Variants in MTMR14 observed in about 807,000 individuals in gnomAD.
MTMR14 encodes phosphatidylinositol-3,5-bisphosphate 3-phosphatase MTMR14.
In MTMR14, 48 loss-of-function variants were observed where a neutral mutation model predicts 86.3. That is an observed-to-expected ratio of 0.56 (90% CI 0.44 to 0.71). The LOEUF (loss-of-function observed/expected upper bound fraction) is 0.71, where lower values mean the gene tolerates loss of function less well. Among genes scored for constraint, MTMR14 ranks in the 30% least tolerant of loss-of-function variants. The probability of loss-of-function intolerance (pLI) is 0.00; values close to 1 mark genes in which losing one functional copy is unlikely to be tolerated. For synonymous variants in MTMR14, 366 were observed against 326.1 expected (o/e 1.12, Z -1.32); for missense variants, 780 against 834.6 (o/e 0.93, Z 0.81).
intron 6 of MTMR14, among the ~76,000 whole-genome samples, chr3:9,671,935 G>C (rs1470474974): frequency 6.6e-6 from 1 of 152,112 alleles, no homozygotes; most frequent in Non-Finnish European, 1.5e-5. Flanking sequence ...TCTGAATATT[G>C]CCTTATTCCT....
rs189614064 is a variant in MTMR14, at chr3:9,669,457, T to A, written c.519T>A (p.Asp173Glu). 5,515 of 1,613,906 alleles carry A rather than the reference T, an allele frequency of 3.4e-3. 18 individuals carry two copies. Among genetic ancestry groups the A allele is most frequent in the Non-Finnish European group, 4.3e-3 (5,057 of 1,179,844 alleles). ...FSGGADDAWADVEDVTEEDCA... is the reference protein window; with the variant it reads ...FSGGADDAWAEVEDVTEEDCA... ...GGGGTGCAGATGATGCCTGGGCAGA[T>A]GTGGAGGACGTCACGGAGGAGGACT... Residue 173 changes from aspartate (D) to glutamate (E), a missense_variant, in exon 5 of 19, where the codon GAT (aspartate) becomes GAA (glutamate). Asp to Glu is a conservative substitution (Grantham distance 45). Coordinates refer to ENST00000296003, the MANE Select transcript of MTMR14 (RefSeq NM_001077525.3).
chr3:9,679,728 T>C (rs1185554381), intron 9 of MTMR14, among the ~76,000 whole-genome samples: 1 of 152,334 alleles, frequency 6.6e-6, no homozygotes, highest in South Asian at 2.1e-4. Context: ...GGCTCAAATA[T>C]GATCACTGCT....
intron 5 of MTMR14, among the ~76,000 whole-genome samples, chr3:9,670,159 A>G (rs372309517): frequency 6.6e-6 from 1 of 152,262 alleles, no homozygotes; most frequent in Non-Finnish European, 1.5e-5. Flanking sequence ...ACTGGTGTCA[A>G]GCATCTCTGG....
chr3:9,650,549 T>C (rs1386159672), intron 1 of MTMR14: 4 of 347,146 alleles, frequency 1.2e-5, no homozygotes, highest in African/African-American at 6.4e-5. Flanking sequence ...TATTCTGTAG[T>C]TGGCATCTTG....
chr3:9,670,927 C>G, intron 5 of MTMR14, 121 bp from the exon 6 acceptor site: 3 of 1,332,000 alleles, frequency 2.3e-6, no homozygotes, highest in Non-Finnish European at 3.2e-6. Flanking sequence ...ATGCGTCCAC[C>G]TAGCACACGC....
At chr3:9,668,052 A>G (rs757246355) in intron 3 of MTMR14, among the ~76,000 whole-genome samples, 2 of 152,074 alleles carry the variant, frequency 1.3e-5, no homozygotes, top group Admixed American at 6.6e-5. Context: ...AGCAAACACT[A>G]TTTATTTTAA....
At chr3:9,676,371 CG>C (rs543518139) in intron 7 of MTMR14, among the ~76,000 whole-genome samples, 188 of 152,334 alleles carry the variant, frequency 1.2e-3, no homozygotes, top group African/African-American at 3.8e-3. Context: ...GGCCACAGCC[CG>C]GGGGGCAAGA....
chr3:9,664,749 TAGGAAAGGG>T (rs1186668101), intron 3 of MTMR14, among the ~76,000 whole-genome samples: 2 of 151,932 alleles, frequency 1.3e-5, no homozygotes, highest in Admixed American at 1.3e-4. Flanking sequence ...TACCAGAGAC[TAGGAAAGGG>T]TTCTGACAGG....
At chr3:9,665,644 C>T (rs1321393626) in intron 3 of MTMR14, among the ~76,000 whole-genome samples, 1 of 152,132 alleles carries the variant, frequency 6.6e-6, no homozygotes, top group East Asian at 1.9e-4. Context: ...AAAAGAAATG[C>T]TTGCGTTCTG....
intron 3 of MTMR14, among the ~76,000 whole-genome samples, chr3:9,665,521 G>A (rs181588714): frequency 6.6e-6 from 1 of 152,208 alleles, no homozygotes; most frequent in African/African-American, 2.4e-5. Flanking sequence ...AATACCTGTT[G>A]GGTCCTATGT....
intron 17 of MTMR14, among the ~76,000 whole-genome samples, chr3:9,691,501 A>G (rs2076139358): frequency 6.6e-6 from 1 of 152,144 alleles, no homozygotes; most frequent in South Asian, 2.1e-4. Context: ...CCTGTCCAGC[A>G]TTGCTGAACA....
chr3:9,669,953 ATG>A (rs2048480120), intron 5 of MTMR14, among the ~76,000 whole-genome samples: 1 of 152,224 alleles, frequency 6.6e-6, no homozygotes, highest in South Asian at 2.1e-4. Context: ...TGGAGACCAG[ATG>A]TGTCACAGCT....
chr3:9,699,132 A>G (rs143658290), intron 18 of MTMR14, among the ~76,000 whole-genome samples: 2 of 150,494 alleles, frequency 1.3e-5, no homozygotes, highest in Non-Finnish European at 3.0e-5. Flanking sequence ...AGATCATGCC[A>G]TTGCACTCCA....
intron 6 of MTMR14, among the ~76,000 whole-genome samples, chr3:9,672,335 G>A (rs1252285951): frequency 2.0e-5 from 3 of 152,108 alleles, no homozygotes; most frequent in Non-Finnish European, 2.9e-5. Flanking sequence ...TGCCTCCTGG[G>A]TTCAAGCAAT....
At chr3:9,672,059 G>T (rs1425034104) in intron 6 of MTMR14, among the ~76,000 whole-genome samples, 2 of 152,144 alleles carry the variant, frequency 1.3e-5, no homozygotes, top group African/African-American at 4.8e-5. Flanking sequence ...GAAAAAAAGG[G>T]TTCCCATAGG....
At chr3:9,683,340 CT>C in intron 10 of MTMR14, 96 bp downstream of exon 10, 1 of 1,201,430 alleles carries the variant, frequency 8.3e-7, no homozygotes, top group Non-Finnish European at 1.2e-6. Flanking sequence ...AGTTGCACAC[CT>C]TACTTTTGTG....
Position 9,702,384 on chromosome 3 carries a change from T to C in MTMR14, c.*411T>C, listed in dbSNP as rs1334577783. On this transcript the variant is annotated 3_prime_UTR_variant, in exon 19 of 19. Coordinates refer to ENST00000296003, the MANE Select transcript of MTMR14 (RefSeq NM_001077525.3). ...TCACAAAATAAAATCAAAGTCTTTT[T>C]GAATAGCCACTCTTGTGTCATCATT... The C allele has an allele frequency of 3.4e-6, 1 of 294,458 alleles. No individual in the cohort carries two copies. Among genetic ancestry groups the C allele is most frequent in the Non-Finnish European group, 6.7e-6 (1 of 149,720 alleles). 18.2% of individuals were successfully genotyped at this position (294,458 alleles called of 1,614,324 possible).
chr3:9,661,800 T>TC (rs1226265147), intron 2 of MTMR14, among the ~76,000 whole-genome samples: 1 of 152,086 alleles, frequency 6.6e-6, no homozygotes, highest in Non-Finnish European at 1.5e-5. Flanking sequence ...TTTTTTTTTT[T>TC]CCTGAAAAAC....
chr3:9,696,957 G>A (rs1018952337), intron 17 of MTMR14, among the ~76,000 whole-genome samples: 1 of 152,272 alleles, frequency 6.6e-6, no homozygotes, highest in South Asian at 2.1e-4. Context: ...AGAAGAGGGG[G>A]GTTGGCTGTG....
Sources: gnomAD v4.1 joint callset for allele counts (sites outside exome capture counted in the v4.1 genomes callset) on GRCh38, gnomAD v4.1.1 for gene constraint, MANE v1.5 for transcripts, NCBI Gene and HGNC (gene_info 2026-07-23, HGNC 2026-07-21) for gene names.